Variants in HDAC9 observed in about 807,000 individuals in gnomAD.
HDAC9 encodes the protein MEF-2 interacting transcription repressor (MITR) protein.
In HDAC9, 41 loss-of-function variants were observed where a neutral mutation model predicts 139.4. That is an observed-to-expected ratio of 0.29 (90% confidence interval 0.23 to 0.38). HDAC9 has a LOEUF of 0.38. Among genes scored for constraint, HDAC9 ranks in the 10% least tolerant of loss-of-function variants. HDAC9 has a pLI of 1.00. For missense variants in HDAC9, 1,147 were observed against 1,297.0 expected (o/e 0.88, Z 1.78); for synonymous variants, 517 against 476.2 (o/e 1.09, Z -1.12).
At chr7:18,424,988 A>G (rs1173411574) in intron 1 of HDAC9, among the ~76,000 whole-genome samples, 3 of 152,282 alleles carry the variant, frequency 2.0e-5, no homozygotes, top group East Asian at 1.9e-4. Flanking sequence ...TGTATATTCA[A>G]ATTGCACATT....
intron 13 of HDAC9, among the ~76,000 whole-genome samples, chr7:18,743,893 T>C (rs1343546409): frequency 6.6e-6 from 1 of 151,882 alleles, no homozygotes; most frequent in Admixed American, 6.6e-5. Context: ...TTGAAGATCA[T>C]TCCGTCTTTA....
In HDAC9 at chr7:18,591,648, T is replaced by C. The variant is rs2128827474; in HGVS notation, c.542+6T>C. The C allele has an allele frequency of 6.2e-7, 1 of 1,612,744 alleles. No homozygotes were observed. Among genetic ancestry groups the C allele is most frequent in the East Asian group, 2.2e-5 (1 of 44,866 alleles). On this transcript the variant is annotated splice_donor_region_variant and intron_variant, in intron 5 of 25. Coordinates refer to ENST00000686413, the MANE Select transcript of HDAC9 (RefSeq NM_178425.4). The stretch of plus-strand genomic sequence containing the variant: ...CATCCCAAGCTCTGGTACACGTATG[T>C]TCAGTGTTTGGCTGTTTTCATTCCT...
chr7:18,861,470 G>A (rs560650956), intron 21 of HDAC9, among the ~76,000 whole-genome samples: 12 of 152,230 alleles, frequency 7.9e-5, no homozygotes, highest in Admixed American at 1.3e-4. Context: ...CTATGCTTGC[G>A]TATAGGATTT....
intron 1 of HDAC9, among the ~76,000 whole-genome samples, chr7:18,295,253 G>A (rs1432193169): frequency 6.6e-6 from 1 of 151,980 alleles, no homozygotes; most frequent in African/African-American, 2.4e-5. Context: ...CAGAGAAAAG[G>A]GAAAACAAGA....
At position 18,165,448 on chromosome 7, in the gene HDAC9, A is replaced by G. The variant is rs962840073; in HGVS notation, c.25+3099A>G. 1.4e-4 allele frequency among the ~76,000 whole-genome samples: 22 copies of G among 152,164 alleles called. 1 individual carries two copies. Among genetic ancestry groups the G allele is most frequent in the Non-Finnish European group, 2.6e-4 (18 of 68,024 alleles). On this transcript the variant is annotated intron_variant, in intron 2 of 12. Coordinates refer to the HDAC9 transcript ENST00000417496. ...AGTAAATGTTTCTCTTGTGAGCAAA[A>G]CTATGCTAATTCAGTTATTTTGTTC...
intron 22 of HDAC9, among the ~76,000 whole-genome samples, chr7:18,881,909 G>C (rs1009219077): frequency 6.6e-6 from 1 of 152,038 alleles, no homozygotes; most frequent in African/African-American, 2.4e-5. Flanking sequence ...CTTCATGAAG[G>C]GTCAACCTTA....
At chr7:18,146,217 A>G (rs545294612) in intron 1 of HDAC9, among the ~76,000 whole-genome samples, 30 of 152,296 alleles carry the variant, frequency 2.0e-4, no homozygotes, top group African/African-American at 7.2e-4. Flanking sequence ...TGGCTGAGCT[A>G]TTTCTTACAT....
At chr7:18,123,887 C>A (rs1784503594) in intron 1 of HDAC9, among the ~76,000 whole-genome samples, 1 of 152,156 alleles carries the variant, frequency 6.6e-6, no homozygotes, top group Non-Finnish European at 1.5e-5. Flanking sequence ...ACCTTTATAA[C>A]CTTATAGTTG....
intron 2 of HDAC9, among the ~76,000 whole-genome samples, chr7:18,234,215 G>A (rs1793666070): frequency 6.6e-6 from 1 of 152,172 alleles, no homozygotes; most frequent in Admixed American, 6.5e-5. Flanking sequence ...GAAAAGTAGG[G>A]CCAAAACCAA....
intron 2 of HDAC9, among the ~76,000 whole-genome samples, chr7:18,534,199 G>T (rs1478919240): frequency 6.6e-6 from 1 of 152,160 alleles, no homozygotes; most frequent in Non-Finnish European, 1.5e-5. Flanking sequence ...GGTATAGACG[G>T]CATGGACATT....
chr7:18,915,091 G>A lies in HDAC9; in HGVS notation c.2804-20718G>A, dbSNP rs183433644. On this transcript the variant is annotated intron_variant, in intron 22 of 25. Transcript: ENST00000686413. ...CTGACAACAATAAATCAATTTGTAC[G>A]CATTTGTGCATGTGTCTGTATGTGT... 9.9e-5 allele frequency among the ~76,000 whole-genome samples: 15 copies of A among 152,162 alleles called. No individual in the cohort carries two copies. The East Asian group carries it at 2.3e-3, about 24-fold the overall frequency.
intron 1 of HDAC9, among the ~76,000 whole-genome samples, chr7:18,394,185 A>G (rs1467957760): frequency 6.6e-6 from 1 of 152,194 alleles, no homozygotes; most frequent in Non-Finnish European, 1.5e-5. Context: ...GAAAGAGGCT[A>G]TCCTTTACAA....
At chr7:18,587,902 A>C (rs1829907573) in intron 3 of HDAC9, among the ~76,000 whole-genome samples, 1 of 152,266 alleles carries the variant, frequency 6.6e-6, no homozygotes, top group Admixed American at 6.5e-5. Context: ...TAAAGTTCAA[A>C]TACATTGGGG....
intron 12 of HDAC9, among the ~76,000 whole-genome samples, chr7:18,692,382 A>G (rs1431764362): frequency 6.6e-6 from 1 of 152,102 alleles, no homozygotes; most frequent in African/African-American, 2.4e-5. Context: ...GCAACATTAA[A>G]AAAATGACCA....
chr7:18,683,363 G>A (rs1782027335), intron 12 of HDAC9, among the ~76,000 whole-genome samples: 1 of 152,014 alleles, frequency 6.6e-6, no homozygotes, highest in Non-Finnish European at 1.5e-5. Flanking sequence ...CACCAGTCTT[G>A]ATCAAGATCT....
rs553924574 is a variant in HDAC9 at position 18,091,630 on chromosome 7, ACACCC to A, written c.-97+4419_-97+4423del. Among the ~76,000 whole-genome samples the A allele has an allele frequency of 3.0e-4, 46 of 152,350 alleles. 1 individual carries two copies. The South Asian group carries it at 9.5e-3, about 32-fold the overall frequency. ...TCCACAAATTTAGCAGCTTAACACA[ACACCC>A]CTTTATCATATCAGTTTCATTGCTC... On this transcript the variant is annotated intron_variant, in intron 1 of 12. Coordinates refer to the HDAC9 transcript ENST00000417496.
chr7:18,332,361 A>ATGTGTGTGTG (rs33993916), intron 1 of HDAC9, among the ~76,000 whole-genome samples: 7 of 134,628 alleles, frequency 5.2e-5, no homozygotes, highest in African/African-American at 2.0e-4. Flanking sequence ...GCATGCGCAC[A>ATGTGTGTGTG]TGTGTGTGTG....
chr7:18,117,968 A>G (rs534814832), intron 1 of HDAC9, among the ~76,000 whole-genome samples: 9 of 152,242 alleles, frequency 5.9e-5, no homozygotes, highest in African/African-American at 1.7e-4. Flanking sequence ...ACATTAGACA[A>G]CTGGGCTCTG....
chr7:18,962,187 G>C (rs1187277271), intron 24 of HDAC9, among the ~76,000 whole-genome samples: 1 of 152,192 alleles, frequency 6.6e-6, no homozygotes, highest in African/African-American at 2.4e-5. Flanking sequence ...AGCCCTGACT[G>C]TTGTCAGGTG....
Sources: gnomAD v4.1 joint callset for allele counts (sites outside exome capture counted in the v4.1 genomes callset) on GRCh38, gnomAD v4.1.1 for gene constraint, MANE v1.5 for transcripts, NCBI Gene and HGNC (gene_info 2026-07-23, HGNC 2026-07-21) for gene names.